KIF3C: variants seen among roughly 807,000 people sequenced by gnomAD.
The protein encoded by KIF3C is kinesin family member 3C, also known as kinesin-like protein KIF3C.
In KIF3C, 12 loss-of-function variants were observed where a neutral mutation model predicts 67.7. That is an observed-to-expected ratio of 0.18 (90% CI 0.11 to 0.29). The LOEUF (loss-of-function observed/expected upper bound fraction) is 0.29, where lower values mean the gene tolerates loss of function less well. Ranked by LOEUF, KIF3C falls within the 10% of genes least tolerant of loss-of-function variation. The pLI is 1.00. For synonymous variants in KIF3C, 393 were observed against 426.2 expected, an observed-to-expected ratio of 0.92 and a Z score of 0.96; for missense variants, 789 against 1,059.6, an observed-to-expected ratio of 0.74 and a Z score of 3.55.
Position 25,982,296 on chromosome 2 carries a change from C to G in KIF3C, c.-379G>C. 2.5e-6 allele frequency: 1 copy of G among 402,892 alleles called. No individual in the cohort carries two copies. The highest frequency in any genetic ancestry group is 4.4e-6 in the Non-Finnish European group (1 of 228,886). 25.0% of individuals were successfully genotyped at this position (402,892 alleles called of 1,614,324 possible). ...AAATGGGATGGGGGTGGGCGGCGAGCTGTCTTCTCCTCCTTCCTCTAGGGA... is the reference window on the plus strand; with the variant it reads ...AAATGGGATGGGGGTGGGCGGCGAGGTGTCTTCTCCTCCTTCCTCTAGGGA... On this transcript the variant is annotated 5_prime_UTR_variant, in exon 1 of 8. Coordinates refer to ENST00000264712, the MANE Select transcript of KIF3C (RefSeq NM_002254.8).
chr2:25,942,939 T>A (rs1306906735), intron 5 of KIF3C, among the ~76,000 whole-genome samples: 1 of 152,160 alleles, frequency 6.6e-6, no homozygotes, highest in Non-Finnish European at 1.5e-5. Context: ...TGCTTAGAGC[T>A]GGAGTAGGTG....
chr2:25,970,999 AC>A (rs1434575391), intron 1 of KIF3C, among the ~76,000 whole-genome samples: 1 of 145,894 alleles, frequency 6.9e-6, no homozygotes, highest in Non-Finnish European at 1.5e-5. Context: ...AGGGCCGGGC[AC>A]AGTGGCTCAT....
rs1057154227 is a variant in KIF3C, at chr2:25,928,878, T to C, written c.*100A>G. ...ACCCCTGCACACACGCACACGCACATGCACGCACACGCACACGCACCAAGC... is the reference window on the plus strand; with the variant it reads ...ACCCCTGCACACACGCACACGCACACGCACGCACACGCACACGCACCAAGC... On this transcript the variant is annotated 3_prime_UTR_variant, in exon 8 of 8. Coordinates refer to ENST00000264712, the MANE Select transcript of KIF3C (RefSeq NM_002254.8). 12 of 936,996 alleles carry C rather than the reference T, an allele frequency of 1.3e-5. No individual in the cohort carries two copies. The highest frequency in any genetic ancestry group is 3.3e-5 in the African/African-American group (2 of 61,310). The allele number at this position is 936,996 out of a possible 1,614,324, so 58.0% of individuals were successfully genotyped here.
chr2:25,959,052 CAACAAGAGCAA>C (rs1663880904), intron 1 of KIF3C, among the ~76,000 whole-genome samples: 3 of 152,016 alleles, frequency 2.0e-5, no homozygotes, highest in Non-Finnish European at 4.4e-5. Context: ...CCAGCCTGGG[CAACAAGAGCAA>C]AACTCCGTCT....
At chr2:25,946,026 T>C (rs946159822) in intron 5 of KIF3C, among the ~76,000 whole-genome samples, 15 of 151,718 alleles carry the variant, frequency 9.9e-5, no homozygotes, top group Admixed American at 2.6e-4. Context: ...GGCAGGAGAA[T>C]TGCTTCAGCC....
rs376087247 is a variant in KIF3C at position 25,968,003 on chromosome 2, A to C, written c.1546-11559T>G. Among the ~76,000 whole-genome samples the C allele has an allele frequency of 4.6e-5, 7 of 152,280 alleles. No individual in the cohort carries two copies. In the East Asian group the frequency reaches 1.3e-3, roughly 29 times the overall value. On this transcript the variant is annotated intron_variant, in intron 1 of 7. Transcript: ENST00000264712. ...CCACAAAAAGCAAAACCAAAACAAC[A>C]ATCTCAACAGACCCCGCTTCCATCT...
chr2:25,972,292 T>G (rs942884910), intron 1 of KIF3C, among the ~76,000 whole-genome samples: 2 of 152,140 alleles, frequency 1.3e-5, no homozygotes, highest in African/African-American at 4.8e-5. Context: ...AACCTAACAC[T>G]GGACCAAAAG....
intron 1 of KIF3C, among the ~76,000 whole-genome samples, chr2:25,959,240 C>T (rs1393685513): frequency 2.0e-5 from 3 of 152,252 alleles, no homozygotes; most frequent in East Asian, 1.9e-4. Context: ...ATTGCTCTTT[C>T]GGGCCCCCTC....
chr2:25,953,592 C>A (rs1338616820), intron 4 of KIF3C, among the ~76,000 whole-genome samples: 1 of 151,750 alleles, frequency 6.6e-6, no homozygotes, highest in Non-Finnish European at 1.5e-5. Context: ...GATCTCCTGA[C>A]CTCGTGATCC....
chr2:25,977,133 G>C (rs74750024), intron 1 of KIF3C, among the ~76,000 whole-genome samples: 3 of 149,916 alleles, frequency 2.0e-5, no homozygotes, highest in African/African-American at 7.3e-5. Flanking sequence ...TTGCACACCC[G>C]AACATCCCCT....
chr2:25,960,869 G>A (rs908047368), intron 1 of KIF3C, among the ~76,000 whole-genome samples: 1 of 152,222 alleles, frequency 6.6e-6, no homozygotes, highest in African/African-American at 2.4e-5. Context: ...CTGGGAGGTT[G>A]AGGCTGCAGT....
In KIF3C at chr2:25,962,900, T is replaced by C. The variant is rs868618125; in HGVS notation, c.1546-6456A>G. ...TATAAAATATATATAATATAAAATA[T>C]ATATAATATATAATATATATAATAT... On this transcript the variant is annotated intron_variant, in intron 1 of 7. Coordinates refer to ENST00000264712, the MANE Select transcript of KIF3C (RefSeq NM_002254.8). 1.4e-3 allele frequency among the ~76,000 whole-genome samples: 81 copies of C among 58,172 alleles called. 4 individuals carry two copies. Among genetic ancestry groups the C allele is most frequent in the East Asian group, 2.3e-3 (1 of 442 alleles). 38.2% of individuals were successfully genotyped at this position (58,172 alleles called of 152,430 possible). A position where few individuals can be genotyped will look rare whatever the true frequency, so the allele number is the denominator to read the frequency against.
At position 25,953,672 on chromosome 2, in the gene KIF3C, GTT is replaced by G. The variant is rs70950142; in HGVS notation, c.1889+593_1889+594del. Among the ~76,000 whole-genome samples, 816 of 99,576 alleles carry G rather than the reference GTT, an allele frequency of 8.2e-3. 7 individuals carry two copies. Among genetic ancestry groups the G allele is most frequent in the African/African-American group, 0.024 (689 of 28,150 alleles). 65.3% of individuals were successfully genotyped at this position (99,576 alleles called of 152,430 possible). A position where few individuals can be genotyped will look rare whatever the true frequency, so the allele number is the denominator to read the frequency against. On this transcript the variant is annotated intron_variant, in intron 4 of 7. Coordinates refer to ENST00000264712, the MANE Select transcript of KIF3C (RefSeq NM_002254.8). ...ACTGCGCCCGGCCTTTTTTGTTTTT[GTT>G]TTTTTTTTTTTTTTGAGACGTTGTC...
Position 25,980,742 on chromosome 2 carries a change from G to C in KIF3C, c.1176C>G (p.Ala392=). 1 of 1,614,106 alleles carries C rather than the reference G, an allele frequency of 6.2e-7. No individual in the cohort carries two copies. The highest frequency in any genetic ancestry group is 8.5e-7 in the Non-Finnish European group (1 of 1,179,976). The change falls in exon 1 of 8, where the codon GCC becomes GCG. Residue 392 remains alanine (A), a synonymous_variant. Transcript: ENST00000264712. The surrounding 1 kb of genome is among the most constrained non-coding windows in gnomAD (Gnocchi z 7.6). ...EFQEEIARLK[A]QLEKRGMLGK... ...CCAGCATCCCCCTCTTCTCCAGCTG[G>C]GCCTTCAGGCGGGCAATCTCCTCTT... is the stretch of plus-strand genomic sequence containing the variant.
chr2:25,959,939 A>G (rs1663904458), intron 1 of KIF3C, among the ~76,000 whole-genome samples: 1 of 152,174 alleles, frequency 6.6e-6, no homozygotes, highest in African/African-American at 2.4e-5. Context: ...GGTCTTCAGG[A>G]GCCTGCTGTC....
chr2:25,940,037 A>G (rs1354854981), intron 5 of KIF3C, among the ~76,000 whole-genome samples: 1 of 152,204 alleles, frequency 6.6e-6, no homozygotes, highest in Non-Finnish European at 1.5e-5. Context: ...AAAAACATAA[A>G]GTCAAACTGC....
intron 1 of KIF3C, among the ~76,000 whole-genome samples, chr2:25,962,964 TA>T (rs1664019993): frequency 6.1e-5 from 2 of 32,704 alleles, no homozygotes; most frequent in Non-Finnish European, 8.7e-5. Context: ...ATATAATATA[TA>T]TAATATATAA....
chr2:25,974,547 T>C (rs753149337), intron 1 of KIF3C, among the ~76,000 whole-genome samples: 2 of 152,100 alleles, frequency 1.3e-5, no homozygotes, highest in South Asian at 2.1e-4. Flanking sequence ...ACTATTACTA[T>C]CCCATTTTAT....
chr2:25,949,798 C>T (rs1247674001), intron 5 of KIF3C, among the ~76,000 whole-genome samples: 2 of 151,474 alleles, frequency 1.3e-5, no homozygotes, highest in Non-Finnish European at 1.5e-5. Flanking sequence ...GGTGAAACCC[C>T]GTCTCTACTA....
Sources: allele counts gnomAD v4.1 joint callset (sites outside exome capture counted in the v4.1 genomes callset), GRCh38; gene constraint gnomAD v4.1.1; non-coding constraint Gnocchi (gnomAD v3.1); transcripts MANE v1.5; gene names NCBI Gene and HGNC (gene_info 2026-07-23, HGNC 2026-07-21).